CDH11: variants seen among roughly 807,000 people sequenced by gnomAD.
The protein encoded by CDH11 is cadherin 11, also known as cadherin-11.
CDH11 carries 11 observed loss-of-function variants against 67.8 expected under a neutral mutation model. The ratio of observed to expected loss-of-function variants is 0.16; its 90% CI spans 0.10 to 0.27. CDH11 has a LOEUF of 0.27. Among genes scored for constraint, CDH11 ranks in the 10% least tolerant of loss-of-function variants. The pLI, the probability that CDH11 is intolerant of heterozygous loss-of-function variation, is 1.00. For synonymous variants in CDH11, 419 were observed against 400.0 expected, an observed-to-expected ratio of 1.05 and a Z score of -0.57; for missense variants, 847 against 1,031.2, an observed-to-expected ratio of 0.82 and a Z score of 2.45.
intron 2 of CDH11, among the ~76,000 whole-genome samples, chr16:65,035,288 G>T (rs180923948): frequency 6.6e-6 from 1 of 152,340 alleles, no homozygotes; most frequent in East Asian, 1.9e-4. Context: ...ACTCAGTCAG[G>T]TAGGTATTAT....
Position 64,946,290 on chromosome 16 carries a change from A to G in CDH11, c.*1313T>C. ...CCTGGTAAGTTCAACAGAAGAAAAA[A>G]TAGAATAACATTAGAGTCTGGGCAA... is the stretch of plus-strand genomic sequence containing the variant. On this transcript the variant is annotated 3_prime_UTR_variant, in exon 13 of 13. Coordinates refer to ENST00000268603, the MANE Select transcript of CDH11 (RefSeq NM_001797.4). 1 of 1,045,932 alleles carries G rather than the reference A, an allele frequency of 9.6e-7. No homozygotes were observed. The highest frequency in any genetic ancestry group is 4.4e-4 in the Middle Eastern group (1 of 2,296). 64.8% of individuals were successfully genotyped at this position (1,045,932 alleles called of 1,614,324 possible). A position where few individuals can be genotyped will look rare whatever the true frequency, so the allele number is the denominator to read the frequency against.
At chr16:65,048,007 A>G (rs1359678394) in intron 2 of CDH11, among the ~76,000 whole-genome samples, 1 of 152,202 alleles carries the variant, frequency 6.6e-6, no homozygotes, top group Admixed American at 6.5e-5. Flanking sequence ...CTCCATCACA[A>G]GAAGAGGGGT....
chr16:65,089,182 A>C (rs1435771664), intron 1 of CDH11, among the ~76,000 whole-genome samples: 2 of 152,098 alleles, frequency 1.3e-5, no homozygotes, highest in Non-Finnish European at 2.9e-5. Flanking sequence ...AATATGAGTA[A>C]CTTTCCTGCA....
At chr16:64,973,062 C>CA in intron 8 of CDH11, 22 bp from the exon 9 acceptor site, 1 of 1,610,178 alleles carries the variant, frequency 6.2e-7, no homozygotes. Context: ...GCAAATGAGG[C>CA]AATTAGACCA....
Position 65,121,332 on chromosome 16 carries a change from C to A in CDH11, c.-298+548G>T, listed in dbSNP as rs1205102970. On this transcript the variant is annotated intron_variant, in intron 1 of 12. Coordinates refer to ENST00000268603, the MANE Select transcript of CDH11 (RefSeq NM_001797.4). The surrounding 1 kb of genome is among the most constrained non-coding windows in gnomAD (Gnocchi z 4.1). The stretch of plus-strand genomic sequence containing the variant: ...TCTCCTTCCGGAGCTGGGGTCTTTC[C>A]GTTTTCCCGGGCTTACCCGGCAGTC... Among the ~76,000 whole-genome samples the A allele has an allele frequency of 2.6e-5, 4 of 152,212 alleles. No individual in the cohort carries two copies. Among genetic ancestry groups the A allele is most frequent in the Non-Finnish European group, 5.9e-5 (4 of 68,032 alleles).
At chr16:65,071,053 A>G (rs796562705) in intron 1 of CDH11, among the ~76,000 whole-genome samples, 6 of 152,310 alleles carry the variant, frequency 3.9e-5, no homozygotes, top group African/African-American at 1.4e-4. Flanking sequence ...TGAACTCTTC[A>G]TTCATTGAAC....
chr16:65,047,531 T>C (rs865829973), intron 2 of CDH11, among the ~76,000 whole-genome samples: 7 of 151,904 alleles, frequency 4.6e-5, no homozygotes, highest in Non-Finnish European at 8.8e-5. Context: ...TTTGTATTTT[T>C]AGTAGAGACG....
chr16:65,001,365 T>A (rs910724486), intron 3 of CDH11, among the ~76,000 whole-genome samples: 4 of 152,194 alleles, frequency 2.6e-5, no homozygotes, highest in Admixed American at 6.5e-5. Context: ...ATTGCCCCAA[T>A]CTTCATTCAG....
At chr16:65,038,375 T>C (rs1520230) in intron 2 of CDH11, among the ~76,000 whole-genome samples, 40,043 of 152,054 alleles carry the variant, frequency 0.26, 6,043 homozygotes, top group Middle Eastern at 0.36. Context: ...GAGTCGGATT[T>C]CCATCCTGTA....
chr16:65,025,618 G>C (rs1410705203), intron 2 of CDH11, among the ~76,000 whole-genome samples: 15 of 152,254 alleles, frequency 9.9e-5, no homozygotes, highest in Non-Finnish European at 2.9e-5. Context: ...TGGGATGATA[G>C]GCATGAGCTA....
chr16:64,968,941 C>G (rs2071922432), intron 11 of CDH11, among the ~76,000 whole-genome samples: 2 of 152,110 alleles, frequency 1.3e-5, no homozygotes, highest in African/African-American at 4.8e-5. Flanking sequence ...ACTGTATTTG[C>G]TTTAAGTTTC....
chr16:65,051,277 A>G (rs1478503471), intron 2 of CDH11, among the ~76,000 whole-genome samples: 1 of 152,200 alleles, frequency 6.6e-6, no homozygotes, highest in Non-Finnish European at 1.5e-5. Flanking sequence ...ACATTAACAC[A>G]AGAGTGTAAA....
chr16:64,994,719 G>T (rs528748244), intron 4 of CDH11, among the ~76,000 whole-genome samples: 1 of 152,240 alleles, frequency 6.6e-6, no homozygotes, highest in East Asian at 1.9e-4. Flanking sequence ...GAGCAATGAG[G>T]CAAGAGCAAG....
At chr16:65,116,148 T>G (rs1453345849) in intron 1 of CDH11, among the ~76,000 whole-genome samples, 1 of 152,166 alleles carries the variant, frequency 6.6e-6, no homozygotes, top group Non-Finnish European at 1.5e-5. Flanking sequence ...CAGAATGAGT[T>G]TATGGGTAAA....
At chr16:65,002,471 A>G (rs138438951) in intron 3 of CDH11, among the ~76,000 whole-genome samples, 2 of 152,328 alleles carry the variant, frequency 1.3e-5, no homozygotes, top group East Asian at 3.9e-4. Flanking sequence ...TCTCTGGCAC[A>G]CAGCCCATCT....
intron 2 of CDH11, among the ~76,000 whole-genome samples, chr16:65,026,138 C>G (rs1013408915): frequency 4.6e-5 from 7 of 152,214 alleles, no homozygotes; most frequent in Admixed American, 2.6e-4. Context: ...TTGCAACAGC[C>G]CAGCACATGG....
chr16:65,064,841 G>C (rs751799769), intron 1 of CDH11, among the ~76,000 whole-genome samples: 1 of 152,186 alleles, frequency 6.6e-6, no homozygotes, highest in Non-Finnish European at 1.5e-5. Flanking sequence ...AAATAACAAT[G>C]TGATTGTATC....
At chr16:65,063,498 C>G (rs1451242503) in intron 1 of CDH11, among the ~76,000 whole-genome samples, 3 of 152,138 alleles carry the variant, frequency 2.0e-5, no homozygotes, top group African/African-American at 4.8e-5. Context: ...ACTTCTTCTA[C>G]AATATTCATA....
intron 8 of CDH11, among the ~76,000 whole-genome samples, chr16:64,975,584 G>C (rs940454954): frequency 2.0e-5 from 3 of 152,164 alleles, no homozygotes; most frequent in South Asian, 2.1e-4. Flanking sequence ...GAGAGTCCCA[G>C]GTAGCTTCTC....
Sources: allele counts gnomAD v4.1 joint callset (sites outside exome capture counted in the v4.1 genomes callset), GRCh38; gene constraint gnomAD v4.1.1; non-coding constraint Gnocchi (gnomAD v3.1); transcripts MANE v1.5; gene names NCBI Gene and HGNC (gene_info 2026-07-23, HGNC 2026-07-21).